Variants in MMAB observed in about 807,000 individuals in gnomAD.
MMAB encodes the protein metabolism of cobalamin associated B.
Under a neutral mutation model 30.6 loss-of-function variants are expected in MMAB, and 17 were observed. The observed-to-expected ratio is 0.56, with a 90% CI of 0.38 to 0.83. MMAB has a LOEUF of 0.83. MMAB is among the 40% of genes least tolerant of loss of function. The probability of loss-of-function intolerance (pLI) is 0.00; values close to 1 mark genes in which losing one functional copy is unlikely to be tolerated. For synonymous variants in MMAB, 134 were observed against 138.6 expected (o/e 0.97, Z 0.23); for missense variants, 311 against 331.6 (o/e 0.94, Z 0.48).
Position 109,561,020 on chromosome 12 carries a change from C to T in MMAB, c.584+20G>A. The T allele has an allele frequency of 6.3e-7, 1 of 1,597,786 alleles. No homozygotes were observed. Among genetic ancestry groups the T allele is most frequent in the Non-Finnish European group, 8.5e-7 (1 of 1,171,144 alleles). ...CTCTCCCTCTCCCTTGGGCCCTCTC[C>T]CTCTCTCCAGCCCTCTTACCGTCTC... On this transcript the variant is annotated intron_variant, in intron 7 of 8. Transcript: ENST00000545712. The surrounding 1 kb of genome is among the most constrained non-coding windows in gnomAD (Gnocchi z 5.3).
Position 109,569,229 on chromosome 12 carries a change from G to A in MMAB, c.197-366C>T, listed in dbSNP as rs1338376423. On this transcript the variant is annotated intron_variant, in intron 2 of 8. Coordinates refer to ENST00000545712, the MANE Select transcript of MMAB (RefSeq NM_052845.4). The surrounding 1 kb of genome is among the most constrained non-coding windows in gnomAD (Gnocchi z 4.1). ...CCCAAAGTGCTGAGATTACAGGCAT[G>A]AGCCACCGTACCACCCCTTAAAGAA... Among the ~76,000 whole-genome samples the A allele has an allele frequency of 6.6e-6, 1 of 152,182 alleles. No individual in the cohort carries two copies. Among genetic ancestry groups the A allele is most frequent in the African/African-American group, 2.4e-5 (1 of 41,438 alleles).
chr12:109,560,457 G>A (rs896161402), intron 7 of MMAB, among the ~76,000 whole-genome samples: 3 of 152,226 alleles, frequency 2.0e-5, no homozygotes, highest in Admixed American at 2.0e-4. Flanking sequence ...TGTAAAGCTG[G>A]CTGGCAGCCT....
rs1298150219 is a variant in MMAB at position 109,555,037 on chromosome 12, A to G, written c.*1991T>C. On this transcript the variant is annotated 3_prime_UTR_variant, in exon 9 of 9. Transcript: ENST00000545712. ...GAAGGACAGGACTTGGCAACAGGTG[A>G]ACGGCCTTGTTTCAAAGATTGTCAC... The G allele has an allele frequency of 2.2e-6, 1 of 453,974 alleles. No homozygotes were observed. The highest frequency in any genetic ancestry group is 4.4e-6 in the Non-Finnish European group (1 of 226,794). 28.1% of individuals were successfully genotyped at this position (453,974 alleles called of 1,614,324 possible). A position where few individuals can be genotyped will look rare whatever the true frequency, so the allele number is the denominator to read the frequency against.
chr12:109,566,472 T>C (rs1334830818), intron 3 of MMAB, among the ~76,000 whole-genome samples: 1 of 152,256 alleles, frequency 6.6e-6, no homozygotes, highest in African/African-American at 2.4e-5. Context: ...GGACACAGTC[T>C]GTCTCCATCA....
Position 109,554,111 on chromosome 12 carries a change from G to A in MMAB, c.*2917C>T, listed in dbSNP as rs561793167. On this transcript the variant is annotated 3_prime_UTR_variant, in exon 9 of 9. Coordinates refer to ENST00000545712, the MANE Select transcript of MMAB (RefSeq NM_052845.4). ...AGCGGCAGTGGGTGGGAGCTGAGGA[G>A]CACGGGGCTGTGAGTGACGAGGCCG... The A allele has an allele frequency of 1.8e-5, 8 of 453,978 alleles. No homozygotes were observed. Among genetic ancestry groups the A allele is most frequent in the African/African-American group, 1.2e-4 (6 of 50,020 alleles). 28.1% of individuals were successfully genotyped at this position (453,978 alleles called of 1,614,324 possible). A position where few individuals can be genotyped will look rare whatever the true frequency, so the allele number is the denominator to read the frequency against.
chr12:109,559,736 G>C (rs1222798496), intron 7 of MMAB, among the ~76,000 whole-genome samples: 1 of 152,184 alleles, frequency 6.6e-6, no homozygotes, highest in East Asian at 1.9e-4. Context: ...GCCTTTCCCA[G>C]GTATCACCCT....
chr12:109,558,544 G>A lies in MMAB; in HGVS notation c.644+552C>T, dbSNP rs1244608441. Reference sequence around the variant, plus strand: ...CAGGGCTGGGGCAGGAACCCGCAGAGCAGGCTTTGGGCCAGGTGTGGCTCC... The same window carrying A: ...CAGGGCTGGGGCAGGAACCCGCAGAACAGGCTTTGGGCCAGGTGTGGCTCC... On this transcript the variant is annotated intron_variant, in intron 8 of 8. Transcript: ENST00000545712. This position sits in a 1 kb window ranked among gnomAD's most constrained non-coding sequence, Gnocchi z 4.3. 2.0e-5 allele frequency among the ~76,000 whole-genome samples: 3 copies of A among 152,274 alleles called. No individual in the cohort carries two copies. The highest frequency in any genetic ancestry group is 1.3e-4 in the Admixed American group (2 of 15,304).
At chr12:109,565,314 A>G (rs891820442) in intron 3 of MMAB, 138 bp from the exon 4 acceptor site, 7 of 745,176 alleles carry the variant, frequency 9.4e-6, no homozygotes, top group Non-Finnish European at 1.7e-5. Flanking sequence ...CTTGCTAACA[A>G]TAAGAACATT....
At chr12:109,559,622 C>T (rs962600374) in intron 7 of MMAB, among the ~76,000 whole-genome samples, 3 of 152,216 alleles carry the variant, frequency 2.0e-5, no homozygotes, top group South Asian at 2.1e-4. Flanking sequence ...CTCCTGATTC[C>T]GCAGGATTCT....
chr12:109,573,192 C>T, intron 1 of MMAB, 155 bp downstream of exon 1: 1 of 941,984 alleles, frequency 1.1e-6, no homozygotes, highest in Admixed American at 2.0e-5. Flanking sequence ...GTCTCTGGCG[C>T]CCACGTGGCC....
chr12:109,565,219 C>T, intron 3 of MMAB, 43 bp from the exon 4 acceptor site: 1 of 1,452,890 alleles, frequency 6.9e-7, no homozygotes, highest in Non-Finnish European at 9.7e-7. Context: ...AATGTAATGT[C>T]CCTAGGCCCT....
At position 109,561,420 on chromosome 12, in the gene MMAB, A is replaced by C. The variant is rs1279471556; in HGVS notation, c.519T>G (p.Pro173=). The part of the protein sequence containing the change: ...QLPPLTAFIL[P]SGGKISSALH... Reference sequence around the variant, plus strand: ...CCGGTTAAGCCTGCCCAGTACCTACAGGCAGGATGAAGGCCGTGAGTGGTG... The same window carrying C: ...CCGGTTAAGCCTGCCCAGTACCTACCGGCAGGATGAAGGCCGTGAGTGGTG... Residue 173 remains proline (P), a splice_region_variant and synonymous_variant, in exon 6 of 9, where the codon CCT becomes CCG. Transcript: ENST00000545712. The surrounding 1 kb of genome is among the most constrained non-coding windows in gnomAD (Gnocchi z 5.3). 3.2e-6 allele frequency: 5 copies of C among 1,550,496 alleles called. No homozygotes were observed. The Admixed American group carries it at 9.8e-5, about 30-fold the overall frequency.
At chr12:109,570,032 T>C (rs1884580260) in intron 2 of MMAB, 1 of 259,948 alleles carries the variant, frequency 3.8e-6, no homozygotes, top group Non-Finnish European at 8.0e-6. Flanking sequence ...GAGGCCATGG[T>C]GGGCAGATCA....
At position 109,561,794 on chromosome 12, in the gene MMAB, C is replaced by T. The variant is rs796051994; in HGVS notation, c.407G>A (p.Arg136Gln). Residue 136 changes from arginine (R) to glutamine (Q), a missense_variant, in exon 5 of 9, where the codon CGG becomes CAG. Transcript: ENST00000545712. This position sits in a 1 kb window ranked among gnomAD's most constrained non-coding sequence, Gnocchi z 5.3. ...SALATPCSSA[R>Q]EAHLKYTTFK... ...TTGAGAATTACTTAAGTGAGCCTCC[C>T]GGGCCGAGGAGCATGGTGTCGCCAG... is the stretch of plus-strand genomic sequence containing the variant. The T allele has an allele frequency of 3.7e-6, 6 of 1,608,610 alleles. No individual in the cohort carries two copies. Among genetic ancestry groups the T allele is most frequent in the Admixed American group, 1.7e-5 (1 of 59,646 alleles).
At position 109,569,316 on chromosome 12, in the gene MMAB, G is replaced by A. The variant is rs1357151238; in HGVS notation, c.197-453C>T. Among the ~76,000 whole-genome samples, 1 of 152,112 alleles carries A rather than the reference G, an allele frequency of 6.6e-6. No individual in the cohort carries two copies. The highest frequency in any genetic ancestry group is 1.9e-4 in the East Asian group (1 of 5,192). On this transcript the variant is annotated intron_variant, in intron 2 of 8. Transcript: ENST00000545712. The surrounding 1 kb of genome is among the most constrained non-coding windows in gnomAD (Gnocchi z 4.1). ...GCTCAAATCGTAAGTGTGCAAGTTG[G>A]TGAATTACTACTAACTGAATATACC... is the stretch of plus-strand genomic sequence containing the variant.
chr12:109,557,250 C>T, intron 8 of MMAB, 114 bp from the exon 9 acceptor site: 1 of 787,968 alleles, frequency 1.3e-6, no homozygotes, highest in Non-Finnish European at 2.2e-6. Context: ...GCACTCTGGG[C>T]ACATTGTGCA....
At chr12:109,564,285 C>T (rs1026045780) in intron 4 of MMAB, among the ~76,000 whole-genome samples, 7 of 152,094 alleles carry the variant, frequency 4.6e-5, no homozygotes, top group East Asian at 1.9e-4. Context: ...GGTTGAGAAC[C>T]GTTGCATTTT....
At chr12:109,560,105 GAC>G (rs1242050207) in intron 7 of MMAB, among the ~76,000 whole-genome samples, 1 of 152,244 alleles carries the variant, frequency 6.6e-6, no homozygotes, top group Non-Finnish European at 1.5e-5. Context: ...TTGTACAAAT[GAC>G]AGTTTTTTCT....
At position 109,556,648 on chromosome 12, in the gene MMAB, TCACACACACACACACACACA is replaced by T. The variant is rs67024670; in HGVS notation, c.*360_*379del. The T allele has an allele frequency of 7.3e-5, 24 of 328,308 alleles. No homozygotes were observed. Among genetic ancestry groups the T allele is most frequent in the Non-Finnish European group, 1.1e-4 (19 of 165,276 alleles). The allele number at this position is 328,308 out of a possible 1,614,324, so 20.3% of individuals were successfully genotyped here. On this transcript the variant is annotated 3_prime_UTR_variant, in exon 9 of 9. Transcript: ENST00000545712. ...GAGCTGGCAGTGGGAGGGCTCTCTCTCACACACACACACACACACACACACACACACACACACACACACAC... is the reference window on the plus strand; with the variant it reads ...GAGCTGGCAGTGGGAGGGCTCTCTCTCACACACACACACACACACACACAC...
Sources: allele counts gnomAD v4.1 joint callset (sites outside exome capture counted in the v4.1 genomes callset), GRCh38; gene constraint gnomAD v4.1.1; non-coding constraint Gnocchi (gnomAD v3.1); transcripts MANE v1.5; gene names NCBI Gene and HGNC (gene_info 2026-07-23, HGNC 2026-07-21).